CCDC50: variants seen among roughly 807,000 people sequenced by gnomAD.
CCDC50 encodes coiled-coil domain-containing protein 50.
In CCDC50, 54 loss-of-function variants were observed where a neutral mutation model predicts 70.2. That is an observed-to-expected ratio of 0.77 (90% CI 0.62 to 0.96). The LOEUF is 0.96. Ranked by LOEUF, CCDC50 falls within the 50% of genes least tolerant of loss-of-function variation. CCDC50 has a pLI of 0.00. For synonymous variants in CCDC50, 216 were observed against 198.8 expected (o/e 1.09, Z -0.73); for missense variants, 558 against 578.7 (o/e 0.96, Z 0.37).
intron 1 of CCDC50, among the ~76,000 whole-genome samples, chr3:191,341,812 T>A (rs567538451): frequency 6.6e-6 from 1 of 152,384 alleles, no homozygotes; most frequent in Admixed American, 6.5e-5. Context: ...AACTCCCTGT[T>A]ACTTGTGTGG....
rs1163031404 is a variant in CCDC50, at chr3:191,348,605, C to G, written c.50-8483C>G. 3.5e-5 allele frequency among the ~76,000 whole-genome samples: 5 copies of G among 141,722 alleles called. 1 individual carries two copies. The highest frequency in any genetic ancestry group is 8.0e-5 in the Non-Finnish European group (5 of 62,834). The allele number at this position is 141,722 out of a possible 152,430, so 93.0% of individuals were successfully genotyped here. A position where few individuals can be genotyped will look rare whatever the true frequency, so the allele number is the denominator to read the frequency against. On this transcript the variant is annotated intron_variant, in intron 1 of 11. Coordinates refer to ENST00000392455, the MANE Select transcript of CCDC50 (RefSeq NM_178335.3). The stretch of plus-strand genomic sequence containing the variant: ...TCTGTTTAGAAGGATCATCTATCTC[C>G]CAGACAGGTGGAATATCATGGCATA...
At chr3:191,337,112 T>TA (rs1711543754) in intron 1 of CCDC50, among the ~76,000 whole-genome samples, 1 of 152,030 alleles carries the variant, frequency 6.6e-6, no homozygotes, top group African/African-American at 2.4e-5. Context: ...TGAGTAGTTG[T>TA]AGCAGAGACC....
At chr3:191,371,910 G>A (rs1712926724) in intron 5 of CCDC50, among the ~76,000 whole-genome samples, 1 of 152,132 alleles carries the variant, frequency 6.6e-6, no homozygotes, top group Non-Finnish European at 1.5e-5. Context: ...TTAGAAATGT[G>A]GCCTGGTGTT....
rs116018383 is a variant in CCDC50, at chr3:191,372,849, C to A, written c.449-2213C>A. 2.3e-3 allele frequency among the ~76,000 whole-genome samples: 342 copies of A among 151,720 alleles called. 1 individual carries two copies. The highest frequency in any genetic ancestry group is 7.7e-3 in the African/African-American group (320 of 41,386). On this transcript the variant is annotated intron_variant, in intron 5 of 11. Transcript: ENST00000392455. ...ATAGGACTGTGGTTCAAGTCCTGTC[C>A]CCTCCTAAGAACAATATTAATTTTA...
chr3:191,390,920 T>C (rs1455572320), intron 11 of CCDC50, among the ~76,000 whole-genome samples: 1 of 152,202 alleles, frequency 6.6e-6, no homozygotes, highest in Non-Finnish European at 1.5e-5. Flanking sequence ...ACGTATTTGC[T>C]CTTGCAAGGA....
chr3:191,374,910 T>A, intron 5 of CCDC50, 152 bp from the exon 6 acceptor site: 2 of 764,652 alleles, frequency 2.6e-6, no homozygotes, highest in East Asian at 5.5e-5. Flanking sequence ...GTAATGCTCA[T>A]CCCCTCTTCT....
chr3:191,368,245 CAG>C (rs1712769151), intron 4 of CCDC50, among the ~76,000 whole-genome samples: 2 of 151,854 alleles, frequency 1.3e-5, no homozygotes. Context: ...CTTAGAAACT[CAG>C]AGTTCTATTC....
rs1425611269 is a variant in CCDC50 at position 191,375,472 on chromosome 3, T to C, written c.859T>C (p.Cys287Arg). 2 of 1,613,660 alleles carry C rather than the reference T, an allele frequency of 1.2e-6. No homozygotes were observed. The highest frequency in any genetic ancestry group is 8.5e-7 in the Non-Finnish European group (1 of 1,179,808). ...PKSSQKAGLH[C>R]KEVVYGRDHG... ...GTCCTCACAAAAAGCAGGGCTTCAC[T>C]GCAAGGAAGTTGTATATGGGAGGGA... is the stretch of plus-strand genomic sequence containing the variant. The change falls in exon 6 of 12, where the codon TGC becomes CGC. Residue 287 changes from cysteine (C) to arginine (R), a missense_variant. Cys to Arg is a radical substitution (Grantham distance 180). Transcript: ENST00000392455.
rs1713748211 is a variant in CCDC50, at chr3:191,392,971, C to T, written c.*1211C>T. On this transcript the variant is annotated 3_prime_UTR_variant, in exon 12 of 12. Coordinates refer to ENST00000392455, the MANE Select transcript of CCDC50 (RefSeq NM_178335.3). ...CAGGCTGGTCTCGAACCCCTGACCTCAAGTGATCCACCTGCCTTGGCCTCC... is the reference window on the plus strand; with the variant it reads ...CAGGCTGGTCTCGAACCCCTGACCTTAAGTGATCCACCTGCCTTGGCCTCC... 2 of 152,250 alleles carry T rather than the reference C, an allele frequency of 1.3e-5. No individual in the cohort carries two copies. 9.4% of individuals were successfully genotyped at this position (152,250 alleles called of 1,614,324 possible).
At chr3:191,383,162 A>G (rs200931169) in intron 10 of CCDC50, among the ~76,000 whole-genome samples, 1 of 152,236 alleles carries the variant, frequency 6.6e-6, no homozygotes, top group East Asian at 1.9e-4. Flanking sequence ...CGAGTTTTAA[A>G]TATTTACCGG....
chr3:191,364,364 G>T (rs1462005054), intron 4 of CCDC50, among the ~76,000 whole-genome samples: 6 of 150,324 alleles, frequency 4.0e-5, no homozygotes, highest in Non-Finnish European at 3.0e-5. Flanking sequence ...ACCGCGCCCG[G>T]CCTCCTTTTT....
chr3:191,360,603 T>G (rs1712452943), intron 3 of CCDC50, among the ~76,000 whole-genome samples: 1 of 152,232 alleles, frequency 6.6e-6, no homozygotes, highest in Admixed American at 6.5e-5. Flanking sequence ...GATTTTTGTT[T>G]ATTTTCATTT....
At chr3:191,337,347 A>G (rs928976802) in intron 1 of CCDC50, among the ~76,000 whole-genome samples, 1 of 151,912 alleles carries the variant, frequency 6.6e-6, no homozygotes, top group Non-Finnish European at 1.5e-5. Context: ...AGCCTATTTA[A>G]TTTTTGAAGT....
intron 6 of CCDC50, among the ~76,000 whole-genome samples, chr3:191,379,601 C>T (rs1456699716): frequency 6.6e-6 from 1 of 152,022 alleles, no homozygotes; most frequent in African/African-American, 2.4e-5. Flanking sequence ...AGTTCTAAAG[C>T]GAGTGGGTTT....
At chr3:191,383,790 G>A (rs764260487) in intron 10 of CCDC50, among the ~76,000 whole-genome samples, 10 of 152,248 alleles carry the variant, frequency 6.6e-5, no homozygotes, top group Middle Eastern at 3.4e-3. Flanking sequence ...GGCATATTCT[G>A]TCTAGTTATA....
intron 1 of CCDC50, among the ~76,000 whole-genome samples, chr3:191,333,073 T>G (rs1400820406): frequency 6.6e-6 from 1 of 152,154 alleles, no homozygotes; most frequent in Admixed American, 6.5e-5. Context: ...ATTCTTTAGG[T>G]GGAAAGTTCC....
intron 9 of CCDC50, among the ~76,000 whole-genome samples, chr3:191,381,359 G>A (rs576386305): frequency 6.6e-6 from 1 of 152,092 alleles, no homozygotes; most frequent in Admixed American, 6.6e-5. Flanking sequence ...TTCCTTTGAT[G>A]TAACATGGTT....
At chr3:191,386,216 AT>A (rs76983981) in intron 10 of CCDC50, among the ~76,000 whole-genome samples, 2 of 125,732 alleles carry the variant, frequency 1.6e-5, no homozygotes, top group African/African-American at 7.4e-5. Context: ...TAGTATGGGC[AT>A]TTTTTTTTTT....
chr3:191,387,092 TCA>T (rs1314722702), intron 10 of CCDC50, among the ~76,000 whole-genome samples: 2 of 152,216 alleles, frequency 1.3e-5, no homozygotes, highest in African/African-American at 4.8e-5. Context: ...TATTAATTGC[TCA>T]CACATAATTG....
Sources: allele counts gnomAD v4.1 joint callset (sites outside exome capture counted in the v4.1 genomes callset), GRCh38; gene constraint gnomAD v4.1.1; transcripts MANE v1.5; gene names NCBI Gene and HGNC (gene_info 2026-07-23, HGNC 2026-07-21).